GLRA2: variants seen among roughly 807,000 people sequenced by gnomAD.
GLRA2 encodes the protein glycine receptor alpha 2.
GLRA2 carries 11 observed loss-of-function variants against 31.6 expected under a neutral mutation model. The ratio of observed to expected loss-of-function variants is 0.35; its 90% confidence interval spans 0.22 to 0.58. GLRA2 has a LOEUF of 0.58. Among genes scored for constraint, GLRA2 ranks in the 20% least tolerant of loss-of-function variants. The pLI is 0.84. For synonymous variants in GLRA2, 132 were observed against 134.0 expected, an observed-to-expected ratio of 0.99 and a Z score of 0.10; for missense variants, 212 against 351.8, an observed-to-expected ratio of 0.60 and a Z score of 3.18.
chrX:14,452,493 A>G, the GLRA2 span, among the ~76,000 whole-genome samples: 1 of 112,709 alleles, frequency 8.9e-6, no homozygotes, highest in Non-Finnish European at 1.9e-5. Context: ...GAAGCTAGCC[A>G]TCTCAGGATG....
In GLRA2 at chrX:14,529,880, C is replaced by T. The variant is rs2089231340; in HGVS notation, c.-178C>T. 2.2e-6 allele frequency: 1 copy of T among 458,385 alleles called. No homozygotes were observed. Among genetic ancestry groups the T allele is most frequent in the Non-Finnish European group, 3.8e-6 (1 of 261,140 alleles). 37.8% of individuals were successfully genotyped at this position (458,385 alleles called of 1,213,427 possible). On this transcript the variant is annotated 5_prime_UTR_variant, in exon 1 of 9. Transcript: ENST00000218075. ...CCTCGGTTTGACCTGACCATGATGC[C>T]CAGGACTGGCACTTTTTCTTTTTTC... is the stretch of plus-strand genomic sequence containing the variant.
chrX:14,453,530 A>G, the GLRA2 span, among the ~76,000 whole-genome samples: 6 of 112,066 alleles, frequency 5.4e-5, no homozygotes, highest in Admixed American at 5.7e-4. Context: ...GTGACCCATC[A>G]AGTGCTGGCA....
chrX:14,463,935 T>C, the GLRA2 span, among the ~76,000 whole-genome samples: 1 of 111,678 alleles, frequency 9.0e-6, no homozygotes, highest in Non-Finnish European at 1.9e-5. Flanking sequence ...AATGCAGAAA[T>C]CACCCGTCTT....
intron 7 of GLRA2, among the ~76,000 whole-genome samples, chrX:14,622,913 G>A (rs1327538359): frequency 8.9e-6 from 1 of 111,732 alleles, no homozygotes; most frequent in Non-Finnish European, 1.9e-5. Context: ...GAAGGGGATG[G>A]CATTGAATCT....
intron 7 of GLRA2, among the ~76,000 whole-genome samples, chrX:14,656,854 T>C (rs1213988170): frequency 9.0e-6 from 1 of 111,250 alleles, no homozygotes; most frequent in Non-Finnish European, 1.9e-5. Flanking sequence ...AGAAGAAAAA[T>C]AGAGCACAGT....
At chrX:14,456,790 G>C in the GLRA2 span, among the ~76,000 whole-genome samples, 3 of 111,785 alleles carry the variant, frequency 2.7e-5, no homozygotes, top group Non-Finnish European at 5.6e-5. Flanking sequence ...CTATGTCTTG[G>C]CTATTGCGAA....
At position 14,549,708 on chromosome X, in the gene GLRA2, T is replaced by C. The variant is rs183554734; in HGVS notation, c.202+17336T>C. ...CAGGGACACACGAGGATATCTAATC[T>C]ACAGTTGAAAATTTTAATCTGGAGC... On this transcript the variant is annotated intron_variant, in intron 2 of 8. Coordinates refer to ENST00000218075, the MANE Select transcript of GLRA2 (RefSeq NM_002063.4). Among the ~76,000 whole-genome samples, 3 of 112,132 alleles carry C rather than the reference T, an allele frequency of 2.7e-5. No homozygotes were observed. In the East Asian group the frequency reaches 8.4e-4, roughly 31 times the overall value.
chrX:14,656,873 G>A (rs1258087969), intron 7 of GLRA2, among the ~76,000 whole-genome samples: 2 of 111,968 alleles, frequency 1.8e-5, no homozygotes, highest in Non-Finnish European at 3.8e-5. Context: ...GTTAAGTGTT[G>A]GAGCGTGGTA....
In GLRA2 at chrX:14,619,020, G is replaced by A. The variant is rs146247922; in HGVS notation, c.930+9815G>A. On this transcript the variant is annotated intron_variant, in intron 7 of 8. Transcript: ENST00000218075. ...CACCTAATAATCTCTGTGTTTTAAGGTCAACTAATTTGGGATCTTAATTAT... is the reference window on the plus strand; with the variant it reads ...CACCTAATAATCTCTGTGTTTTAAGATCAACTAATTTGGGATCTTAATTAT... Among the ~76,000 whole-genome samples, 222 of 111,215 alleles carry A rather than the reference G, an allele frequency of 2.0e-3. 2 individuals carry two copies. Among genetic ancestry groups the A allele is most frequent in the Non-Finnish European group, 3.6e-3 (189 of 52,966 alleles).
At chrX:14,503,753 C>A in the GLRA2 span, among the ~76,000 whole-genome samples, 3 of 111,248 alleles carry the variant, frequency 2.7e-5, no homozygotes, top group Non-Finnish European at 5.7e-5. Context: ...ATTTCCTCTG[C>A]GCATGAGAAC....
At chrX:14,608,169 A>G (rs1338523776) in intron 6 of GLRA2, among the ~76,000 whole-genome samples, 1 of 111,681 alleles carries the variant, frequency 9.0e-6, no homozygotes, top group Non-Finnish European at 1.9e-5. Flanking sequence ...TATATCTTGT[A>G]ATCTGTATGG....
Position 14,529,930 on chromosome X carries a change from C to G in GLRA2, c.-128C>G. 3.6e-6 allele frequency: 2 copies of G among 559,922 alleles called. No individual in the cohort carries two copies. Among genetic ancestry groups the G allele is most frequent in the Non-Finnish European group, 6.3e-6 (2 of 319,282 alleles). The allele number at this position is 559,922 out of a possible 1,213,427, so 46.1% of individuals were successfully genotyped here. A position where few individuals can be genotyped will look rare whatever the true frequency, so the allele number is the denominator to read the frequency against. On this transcript the variant is annotated 5_prime_UTR_variant, in exon 1 of 9. It adds an upstream start codon to the 5' untranslated region. Transcript: ENST00000218075. ...CTCAGCAAACTGTACAAAACCAAAT[C>G]TCTTTTTGATTTTCAAGGAAACTAG... is the stretch of plus-strand genomic sequence containing the variant.
the GLRA2 span, among the ~76,000 whole-genome samples, chrX:14,491,960 A>C: frequency 9.0e-6 from 1 of 111,721 alleles, no homozygotes; most frequent in South Asian, 3.7e-4. Flanking sequence ...ACTTTCAGAA[A>C]GCTTGTTTCC....
intron 7 of GLRA2, among the ~76,000 whole-genome samples, chrX:14,648,466 G>C (rs998390594): frequency 8.9e-6 from 1 of 111,900 alleles, no homozygotes; most frequent in African/African-American, 3.2e-5. Context: ...CATTGGGTTA[G>C]AGAAAGTCTT....
chrX:14,685,411 C>T lies in GLRA2; in HGVS notation c.931-5299C>T, dbSNP rs188678303. Reference sequence around the variant, plus strand: ...GAATGGTACCATCTCCTCTTTGTACCTCTGGTAGAATTCGGCTGTGAATCC... The same window carrying T: ...GAATGGTACCATCTCCTCTTTGTACTTCTGGTAGAATTCGGCTGTGAATCC... On this transcript the variant is annotated intron_variant, in intron 7 of 8. Transcript: ENST00000218075. Among the ~76,000 whole-genome samples the T allele has an allele frequency of 4.6e-3, 517 of 111,519 alleles. 6 individuals carry two copies. The highest frequency in any genetic ancestry group is 0.016 in the African/African-American group (481 of 30,682).
chrX:14,554,387 A>G (rs998878483), intron 2 of GLRA2, among the ~76,000 whole-genome samples: 3 of 111,890 alleles, frequency 2.7e-5, no homozygotes, highest in African/African-American at 9.8e-5. Context: ...TGGAAGCCAC[A>G]GAGGAACAGA....
At chrX:14,720,153 T>C (rs2091847088) in intron 8 of GLRA2, among the ~76,000 whole-genome samples, 1 of 111,382 alleles carries the variant, frequency 9.0e-6, no homozygotes, top group African/African-American at 3.3e-5. Flanking sequence ...TAATTTATTG[T>C]ATTTTTTTCA....
intron 8 of GLRA2, among the ~76,000 whole-genome samples, chrX:14,728,340 C>A (rs1480481458): frequency 9.0e-6 from 1 of 111,132 alleles, no homozygotes; most frequent in Non-Finnish European, 1.9e-5. Flanking sequence ...CTGCAGTGAG[C>A]CGTGATCATG....
chrX:14,468,285 G>C, the GLRA2 span, among the ~76,000 whole-genome samples: 1 of 112,196 alleles, frequency 8.9e-6, no homozygotes, highest in South Asian at 3.7e-4. Flanking sequence ...TCATTCTTTA[G>C]AGGACTGCTC....
Sources: gnomAD v4.1 joint callset for allele counts (sites outside exome capture counted in the v4.1 genomes callset) on GRCh38, gnomAD v4.1.1 for gene constraint, MANE v1.5 for transcripts, NCBI Gene and HGNC (gene_info 2026-07-23, HGNC 2026-07-21) for gene names.